Variants in UGT1A9 observed in about 807,000 individuals in gnomAD.
UGT1A9 encodes the protein UDP-glucuronosyltransferase 1A9.
UGT1A9 carries 35 observed loss-of-function variants against 45.0 expected under a neutral mutation model. That is an observed-to-expected ratio of 0.78 (90% CI 0.59 to 1.03). The LOEUF is 1.03. UGT1A9 is among the 50% of genes least tolerant of loss of function. The pLI is 0.00. For synonymous variants in UGT1A9, 278 were observed against 250.6 expected, an observed-to-expected ratio of 1.11 and a Z score of -1.03; for missense variants, 687 against 666.6, an observed-to-expected ratio of 1.03 and a Z score of -0.34.
chr2:233,746,330 C>T (rs1183707871), intron 1 of UGT1A9, among the ~76,000 whole-genome samples: 1 of 151,730 alleles, frequency 6.6e-6, no homozygotes, highest in African/African-American at 2.4e-5. Context: ...ATCTACAGGG[C>T]AATGGACATG....
chr2:233,690,373 G>A (rs1474964676), intron 1 of UGT1A9: 3 of 883,872 alleles, frequency 3.4e-6, no homozygotes, highest in Non-Finnish European at 4.6e-6. Context: ...CCTCTCCATA[G>A]GGTCCACGTT....
intron 1 of UGT1A9, among the ~76,000 whole-genome samples, chr2:233,730,263 G>C (rs45449797): frequency 1.3e-5 from 2 of 152,070 alleles, no homozygotes; most frequent in South Asian, 2.1e-4. Context: ...AGAGACTGTT[G>C]GTTTGTAAAG....
chr2:233,743,667 C>A, intron 1 of UGT1A9: 1 of 1,367,226 alleles, frequency 7.3e-7, no homozygotes, highest in Non-Finnish European at 9.8e-7. Context: ...AAGGGGTCCT[C>A]GAAGGGCCTG....
chr2:233,674,376 C>G (rs1043073204), intron 1 of UGT1A9, among the ~76,000 whole-genome samples: 61 of 152,132 alleles, frequency 4.0e-4, no homozygotes, highest in African/African-American at 1.4e-3. Context: ...GCACTTTTCT[C>G]CCCTTTACCC....
At chr2:233,753,198 T>C (rs1454956854) in intron 1 of UGT1A9, 2 of 152,228 alleles carry the variant, frequency 1.3e-5, no homozygotes. Flanking sequence ...TCAAAAGCCC[T>C]GACAGTCTGT....
intron 1 of UGT1A9, chr2:233,682,612 A>G (rs1243333362): frequency 6.2e-7 from 1 of 1,613,744 alleles, no homozygotes; most frequent in Non-Finnish European, 8.5e-7. Flanking sequence ...ATTTTTTCAA[A>G]AATGTCTTAG....
At position 233,729,976 on chromosome 2, in the gene UGT1A9, A is replaced by G. The variant is rs201645683; in HGVS notation, c.856-37058A>G. The G allele has an allele frequency of 5.4e-5, 87 of 1,614,040 alleles. No individual in the cohort carries two copies. The highest frequency in any genetic ancestry group is 3.6e-4 in the East Asian group (16 of 44,888). On this transcript the variant is annotated intron_variant, in intron 1 of 4. Transcript: ENST00000354728. ...CATTGGGGGCATCAACTGTGCCAACAGGAAGCCACTATCTCAGGTCTGTAT... is the reference window on the plus strand; with the variant it reads ...CATTGGGGGCATCAACTGTGCCAACGGGAAGCCACTATCTCAGGTCTGTAT...
At chr2:233,725,255 A>AGAG in intron 1 of UGT1A9, among the ~76,000 whole-genome samples, 1 of 64,006 alleles carries the variant, frequency 1.6e-5, no homozygotes, top group African/African-American at 1.3e-4. Context: ...CAGAGGAGGC[A>AGAG]GAGGCAGAGG....
intron 1 of UGT1A9, among the ~76,000 whole-genome samples, chr2:233,761,681 C>T (rs1697835350): frequency 6.6e-6 from 1 of 152,246 alleles, no homozygotes; most frequent in Non-Finnish European, 1.5e-5. Flanking sequence ...CAGGTTCTGA[C>T]ATGATACAGA....
intron 1 of UGT1A9, among the ~76,000 whole-genome samples, chr2:233,731,771 A>T (rs1045763879): frequency 6.6e-6 from 1 of 152,184 alleles, no homozygotes; most frequent in Non-Finnish European, 1.5e-5. Flanking sequence ...TTAGAGTAGT[A>T]TCATTTATAA....
intron 1 of UGT1A9, among the ~76,000 whole-genome samples, chr2:233,746,331 A>C (rs1482608381): frequency 6.6e-6 from 1 of 151,784 alleles, no homozygotes; most frequent in Admixed American, 6.5e-5. Flanking sequence ...TCTACAGGGC[A>C]ATGGACATGT....
At chr2:233,733,112 C>A (rs1009344972) in intron 1 of UGT1A9, among the ~76,000 whole-genome samples, 13 of 152,124 alleles carry the variant, frequency 8.5e-5, no homozygotes, top group African/African-American at 2.9e-4. Flanking sequence ...CTCTGTTTGT[C>A]TGTTATTGGT....
intron 2 of UGT1A9, among the ~76,000 whole-genome samples, chr2:233,767,385 C>T (rs930276020): frequency 1.6e-4 from 25 of 152,084 alleles, no homozygotes; most frequent in African/African-American, 5.8e-4. Context: ...CCACCACACT[C>T]AGAAGTATCA....
chr2:233,766,305 G>A (rs1441767002), intron 1 of UGT1A9, among the ~76,000 whole-genome samples: 4 of 152,018 alleles, frequency 2.6e-5, no homozygotes, highest in African/African-American at 7.2e-5. Flanking sequence ...GCTCTCCTCC[G>A]ACTGCCTCAG....
intron 1 of UGT1A9, chr2:233,692,923 A>G: frequency 6.4e-7 from 1 of 1,573,424 alleles, no homozygotes; most frequent in Non-Finnish European, 8.6e-7. Flanking sequence ...AGCAGTGGTT[A>G]GTTTAGGGAA....
intron 1 of UGT1A9, chr2:233,747,471 G>T (rs1218539477): frequency 6.2e-7 from 1 of 1,608,714 alleles, no homozygotes; most frequent in African/African-American, 1.3e-5. Flanking sequence ...ATGGACCCAG[G>T]ATGAATTTGA....
intron 1 of UGT1A9, among the ~76,000 whole-genome samples, chr2:233,763,291 T>C (rs1222576175): frequency 6.6e-6 from 1 of 152,232 alleles, no homozygotes; most frequent in Non-Finnish European, 1.5e-5. Context: ...AAATTCCACT[T>C]TTTGGATATT....
intron 1 of UGT1A9, chr2:233,681,856 C>T: frequency 1.3e-6 from 2 of 1,520,208 alleles, no homozygotes; most frequent in Non-Finnish European, 1.8e-6. Flanking sequence ...CTTTTGAGGG[C>T]AGGTTCTATC....
At chr2:233,725,087 T>C (rs1168031372) in intron 1 of UGT1A9, among the ~76,000 whole-genome samples, 1 of 144,724 alleles carries the variant, frequency 6.9e-6, no homozygotes, top group Non-Finnish European at 1.5e-5. Flanking sequence ...CTCGGCAGGC[T>C]GAGGCAGGAG....
Sources: allele counts gnomAD v4.1 joint callset (sites outside exome capture counted in the v4.1 genomes callset), GRCh38; gene constraint gnomAD v4.1.1; transcripts MANE v1.5; gene names NCBI Gene and HGNC (gene_info 2026-07-23, HGNC 2026-07-21).